The following NEDD4L variants were observed in gnomAD, a reference collection of about 807,000 sequenced individuals.
The protein encoded by NEDD4L is NEDD4 like E3 ubiquitin protein ligase.
NEDD4L carries 54 observed loss-of-function variants against 148.9 expected under a neutral mutation model. The observed-to-expected ratio is 0.36, with a 90% CI of 0.29 to 0.45. The LOEUF is 0.45. NEDD4L is among the 20% of genes least tolerant of loss of function. The pLI is 1.00. For synonymous variants in NEDD4L, 433 were observed against 440.7 expected (o/e 0.98, Z 0.22); for missense variants, 856 against 1,233.8 (o/e 0.69, Z 4.59).
intron 1 of NEDD4L, among the ~76,000 whole-genome samples, chr18:58,082,698 G>A (rs1220499200): frequency 6.6e-6 from 1 of 151,336 alleles, no homozygotes; most frequent in East Asian, 2.0e-4. Flanking sequence ...CTTGAACCTG[G>A]GAAGCGGAGG....
intron 1 of NEDD4L, among the ~76,000 whole-genome samples, chr18:58,128,356 A>C (rs2031506825): frequency 6.6e-6 from 1 of 152,154 alleles, no homozygotes; most frequent in South Asian, 2.1e-4. Context: ...CTGGTTGTAA[A>C]GTTCTTCTTA....
At chr18:58,340,881 T>A (rs2042330939) in intron 13 of NEDD4L, 157 bp from the exon 14 acceptor site, 1 of 691,380 alleles carries the variant, frequency 1.4e-6, no homozygotes, top group Non-Finnish European at 2.3e-6. Context: ...GTTGGAAATC[T>A]ATTGCTGTTT....
intron 18 of NEDD4L, among the ~76,000 whole-genome samples, chr18:58,354,590 A>G (rs2044345473): frequency 6.6e-6 from 1 of 152,170 alleles, no homozygotes; most frequent in South Asian, 2.1e-4. Flanking sequence ...TTTCACCATC[A>G]GCTTCATTCA....
At chr18:58,245,700 A>C (rs1467265853) in intron 3 of NEDD4L, among the ~76,000 whole-genome samples, 192 bp downstream of exon 3, 2 of 79,492 alleles carry the variant, frequency 2.5e-5, no homozygotes, top group Non-Finnish European at 4.6e-5. Flanking sequence ...TTTTTTTTTG[A>C]GATGGAGTCT....
chr18:58,208,562 G>C (rs1375787625), intron 2 of NEDD4L, among the ~76,000 whole-genome samples: 1 of 152,194 alleles, frequency 6.6e-6, no homozygotes, highest in African/African-American at 2.4e-5. Flanking sequence ...ATTCCCTGTA[G>C]GGAGGATTAA....
At chr18:58,364,041 T>C (rs1195965591) in intron 19 of NEDD4L, among the ~76,000 whole-genome samples, 1 of 152,192 alleles carries the variant, frequency 6.6e-6, no homozygotes, top group Non-Finnish European at 1.5e-5. Flanking sequence ...CAAATAGCAG[T>C]ATAGCTGTTT....
In NEDD4L at chr18:58,162,235, C is replaced by T. The variant is rs868714805; in HGVS notation, c.49-3553C>T. ...CTCGCCTGCTTAAAACTTTACAGTG[C>T]TTCTCCCCCAGTGGTCGGGATAATG... On this transcript the variant is annotated intron_variant, in intron 1 of 30. Transcript: ENST00000400345. 5.9e-5 allele frequency among the ~76,000 whole-genome samples: 9 copies of T among 152,096 alleles called. No homozygotes were observed. In the East Asian group the frequency reaches 7.7e-4, roughly 13 times the overall value.
intron 5 of NEDD4L, among the ~76,000 whole-genome samples, chr18:58,292,380 C>A (rs530007024): frequency 3.4e-4 from 52 of 152,252 alleles, no homozygotes; most frequent in Non-Finnish European, 6.6e-4. Context: ...ATTTTCCTTT[C>A]TACTCTCTGG....
chr18:58,104,339 G>A (rs560909362), intron 1 of NEDD4L, among the ~76,000 whole-genome samples: 3 of 152,148 alleles, frequency 2.0e-5, no homozygotes, highest in Non-Finnish European at 1.5e-5. Flanking sequence ...GCTGGGGCGC[G>A]GTAGGGAAAT....
intron 2 of NEDD4L, among the ~76,000 whole-genome samples, chr18:58,173,616 A>G (rs1245768726): frequency 1.3e-5 from 2 of 152,226 alleles, no homozygotes; most frequent in Non-Finnish European, 2.9e-5. Context: ...TTAAGTTGTT[A>G]GCATTTTGCT....
chr18:58,052,200 A>G (rs2081904461), intron 1 of NEDD4L, among the ~76,000 whole-genome samples: 1 of 152,232 alleles, frequency 6.6e-6, no homozygotes, highest in South Asian at 2.1e-4. Context: ...AATTATCACA[A>G]CTACTGGTGT....
chr18:58,272,383 C>G (rs1206735200), intron 5 of NEDD4L, among the ~76,000 whole-genome samples: 2 of 152,136 alleles, frequency 1.3e-5, no homozygotes, highest in East Asian at 1.9e-4. Flanking sequence ...CACCTGTAAT[C>G]CCAGCGCTTT....
chr18:58,312,576 G>A (rs1431779698), intron 5 of NEDD4L, among the ~76,000 whole-genome samples: 1 of 152,182 alleles, frequency 6.6e-6, no homozygotes, highest in Non-Finnish European at 1.5e-5. Context: ...TCAAACAGAG[G>A]TGTTCCTTCA....
At chr18:58,245,674 CTTTTTTTTTTTTTTTTT>C (rs57282316) in intron 3 of NEDD4L, among the ~76,000 whole-genome samples, 166 bp downstream of exon 3, 1 of 89,260 alleles carries the variant, frequency 1.1e-5, no homozygotes, top group African/African-American at 4.4e-5. Flanking sequence ...CACTTTTTCT[CTTTTTTTTTTTTTTTTT>C]TTTTTTTGAG....
chr18:58,207,418 C>T (rs982757028), intron 2 of NEDD4L, among the ~76,000 whole-genome samples: 26 of 151,768 alleles, frequency 1.7e-4, no homozygotes, highest in African/African-American at 6.3e-4. Flanking sequence ...TAGTTTCCTC[C>T]CTGAAGAATG....
At chr18:58,176,361 A>G (rs1401649119) in intron 2 of NEDD4L, among the ~76,000 whole-genome samples, 1 of 151,960 alleles carries the variant, frequency 6.6e-6, no homozygotes, top group Non-Finnish European at 1.5e-5. Flanking sequence ...AAGAGACAGG[A>G]GTCTTGCTCT....
chr18:58,103,298 T>TA, intron 1 of NEDD4L, among the ~76,000 whole-genome samples: 1 of 148,178 alleles, frequency 6.7e-6, no homozygotes, highest in African/African-American at 2.5e-5. Flanking sequence ...TATAATTATA[T>TA]ATTATATAGA....
chr18:58,386,676 A>G (rs996362801), intron 26 of NEDD4L, among the ~76,000 whole-genome samples: 1 of 152,244 alleles, frequency 6.6e-6, no homozygotes, highest in African/African-American at 2.4e-5. Context: ...CACAGGAAAC[A>G]GCCTCGTGTC....
At chr18:58,333,001 G>A (rs1051558408) in intron 11 of NEDD4L, among the ~76,000 whole-genome samples, 4 of 152,036 alleles carry the variant, frequency 2.6e-5, no homozygotes, top group African/African-American at 9.7e-5. Flanking sequence ...AATTGGCTGA[G>A]CATGGAGGCT....
Sources: allele counts gnomAD v4.1 joint callset (sites outside exome capture counted in the v4.1 genomes callset), GRCh38; gene constraint gnomAD v4.1.1; transcripts MANE v1.5; gene names NCBI Gene and HGNC (gene_info 2026-07-23, HGNC 2026-07-21).